Variants in MALRD1 observed in about 807,000 individuals in gnomAD.
MALRD1 encodes the protein MAM and LDL receptor class A domain containing 1.
MALRD1 carries 247 observed loss-of-function variants against 242.1 expected under a neutral mutation model. The ratio of observed to expected loss-of-function variants is 1.02; its 90% CI spans 0.92 to 1.13. The LOEUF (loss-of-function observed/expected upper bound fraction) is 1.13, where lower values mean the gene tolerates loss of function less well. Ranked by LOEUF, MALRD1 falls within the 50% of genes most tolerant of loss-of-function variation. MALRD1 has a pLI of 0.00. For missense variants in MALRD1, 2,989 were observed against 2,533.1 expected (o/e 1.18, Z -3.86); for synonymous variants, 995 against 866.6 (o/e 1.15, Z -2.60).
Position 19,668,910 on chromosome 10 carries a change from A to C in MALRD1, c.6138-23372A>C, listed in dbSNP as rs117190619. 2.6e-3 allele frequency among the ~76,000 whole-genome samples: 398 copies of C among 152,304 alleles called. 7 individuals carry two copies. The East Asian group carries it at 0.059, about 23-fold the overall frequency. ...AAATGGACCAGGGAGAAAATGGTAA[A>C]ATAAATAATGAAAAATTTCCCCAGA... On this transcript the variant is annotated intron_variant, in intron 36 of 39. Transcript: ENST00000454679.
chr10:19,341,432 CTATATGTATATATA>C (rs1564576888), intron 24 of MALRD1, among the ~76,000 whole-genome samples: 7 of 98,990 alleles, frequency 7.1e-5, no homozygotes, highest in Admixed American at 3.2e-4. Flanking sequence ...TAAAATAACA[CTATATGTATATATA>C]TATATGTGTA....
intron 28 of MALRD1, among the ~76,000 whole-genome samples, chr10:19,407,121 C>T (rs1833061914): frequency 6.6e-6 from 1 of 152,028 alleles, no homozygotes; most frequent in Admixed American, 6.6e-5. Context: ...GGATCAAATC[C>T]CAAGATTTAA....
intron 36 of MALRD1, among the ~76,000 whole-genome samples, chr10:19,665,566 G>A (rs1404912589): frequency 6.6e-6 from 1 of 151,956 alleles, no homozygotes; most frequent in Non-Finnish European, 1.5e-5. Flanking sequence ...ACATTTTAGG[G>A]TGACATAACT....
intron 14 of MALRD1, among the ~76,000 whole-genome samples, chr10:19,179,310 T>C (rs1835393432): frequency 6.6e-6 from 1 of 152,288 alleles, no homozygotes; most frequent in Admixed American, 6.5e-5. Flanking sequence ...TATAACATGG[T>C]ATCTAAAGTC....
chr10:19,631,358 T>G (rs1253081665), intron 36 of MALRD1, among the ~76,000 whole-genome samples: 1 of 152,222 alleles, frequency 6.6e-6, no homozygotes, highest in Non-Finnish European at 1.5e-5. Flanking sequence ...TATTTCATGA[T>G]GTATATGTAT....
At chr10:19,467,960 AT>A (rs1274308524) in intron 29 of MALRD1, among the ~76,000 whole-genome samples, 4 of 151,864 alleles carry the variant, frequency 2.6e-5, no homozygotes, top group Non-Finnish European at 5.9e-5. Flanking sequence ...TGCCCAGCTA[AT>A]TTTTGTATGT....
chr10:19,309,832 C>T (rs889097459), intron 21 of MALRD1, among the ~76,000 whole-genome samples: 3 of 151,238 alleles, frequency 2.0e-5, no homozygotes, highest in Admixed American at 6.6e-5. Flanking sequence ...AGGGCCCAGG[C>T]GGGAAACAGC....
chr10:19,065,109 G>A (rs572546961), intron 1 of MALRD1, among the ~76,000 whole-genome samples: 8 of 151,688 alleles, frequency 5.3e-5, no homozygotes, highest in African/African-American at 1.9e-4. Flanking sequence ...CCAACATGGA[G>A]AAACCCCGTC....
chr10:19,196,070 A>C (rs112678856), intron 14 of MALRD1, among the ~76,000 whole-genome samples: 3,782 of 152,252 alleles, frequency 0.025, 64 homozygotes, highest in Middle Eastern at 0.051. Flanking sequence ...TTTCTCCTGT[A>C]CCCGAAGTAA....
chr10:19,165,952 A>C (rs1834669810), intron 13 of MALRD1, 142 bp downstream of exon 13: 1 of 537,426 alleles, frequency 1.9e-6, no homozygotes, highest in Admixed American at 4.4e-5. Context: ...GAAGACACTT[A>C]TTTAATGCTA....
chr10:19,705,013 C>A (rs183127932), intron 38 of MALRD1, among the ~76,000 whole-genome samples: 63 of 152,150 alleles, frequency 4.1e-4, no homozygotes, highest in African/African-American at 1.4e-3. Context: ...ATTAGGATCC[C>A]AAATCTTGGA....
At chr10:19,471,357 C>A (rs1346116334) in intron 29 of MALRD1, among the ~76,000 whole-genome samples, 1 of 151,830 alleles carries the variant, frequency 6.6e-6, no homozygotes, top group Admixed American at 6.6e-5. Context: ...GTTTTGAAAT[C>A]AGGAAATATG....
intron 14 of MALRD1, among the ~76,000 whole-genome samples, chr10:19,184,166 G>A (rs11008838): frequency 0.29 from 44,513 of 152,002 alleles, 6,932 homozygotes; most frequent in Admixed American, 0.37. Context: ...TGGATTTTAG[G>A]CCTGGGATCA....
intron 14 of MALRD1, among the ~76,000 whole-genome samples, chr10:19,182,995 A>AT (rs140403212): frequency 0.073 from 11,094 of 152,088 alleles, 533 homozygotes; most frequent in Non-Finnish European, 0.11. Context: ...TTAAAAGATA[A>AT]TTTTTTAGAC....
At chr10:19,384,614 A>G (rs1019100319) in intron 26 of MALRD1, among the ~76,000 whole-genome samples, 17 of 130,370 alleles carry the variant, frequency 1.3e-4, no homozygotes, top group Non-Finnish European at 2.5e-4. Flanking sequence ...AGTATATATA[A>G]TATAATATTT....
chr10:19,119,443 T>G (rs1331788915), intron 5 of MALRD1, among the ~76,000 whole-genome samples: 2 of 152,142 alleles, frequency 1.3e-5, no homozygotes, highest in Non-Finnish European at 2.9e-5. Context: ...GATCAGAGTT[T>G]TTAAGGATAA....
rs1838714011 is a variant in MALRD1 at position 19,607,886 on chromosome 10, T to C, written c.6054T>C (p.Asp2018=). The change falls in exon 35 of 40, where the codon GAT becomes GAC. Residue 2018 remains aspartate (D), a synonymous_variant. Transcript: ENST00000454679. ...CCGACTGCATGGATTTCCAGCTTGA[T>C]GAGTCCAGCTGCTCCGGTACCCCAT... ...GFADCMDFQL[D]ESSCSECPLN... The C allele has an allele frequency of 3.2e-6, 5 of 1,549,668 alleles. No individual in the cohort carries two copies. The highest frequency in any genetic ancestry group is 4.9e-5 in the East Asian group (2 of 40,882).
intron 33 of MALRD1, among the ~76,000 whole-genome samples, chr10:19,592,863 A>T (rs893254658): frequency 6.6e-6 from 1 of 152,160 alleles, no homozygotes; most frequent in African/African-American, 2.4e-5. Context: ...CTCATTTTTT[A>T]AAAAGAAAAG....
chr10:19,068,272 A>C (rs1329181853), intron 2 of MALRD1, among the ~76,000 whole-genome samples: 2 of 150,130 alleles, frequency 1.3e-5, no homozygotes, highest in Non-Finnish European at 3.0e-5. Flanking sequence ...GTGCTTCCCA[A>C]TTTTCTTCTC....
Sources: allele counts gnomAD v4.1 joint callset (sites outside exome capture counted in the v4.1 genomes callset), GRCh38; gene constraint gnomAD v4.1.1; transcripts MANE v1.5; gene names NCBI Gene and HGNC (gene_info 2026-07-23, HGNC 2026-07-21).